Variants in FANCB observed in about 807,000 individuals in gnomAD.
FANCB encodes the protein Fanconi anemia group B protein.
FANCB carries 5 observed loss-of-function variants against 38.9 expected under a neutral mutation model. The observed-to-expected ratio is 0.13, with a 90% CI of 0.07 to 0.27. The LOEUF (loss-of-function observed/expected upper bound fraction) is 0.27. FANCB is among the 10% of genes least tolerant of loss of function. FANCB has a pLI of 1.00. For missense variants in FANCB, 573 were observed against 602.7 expected, an observed-to-expected ratio of 0.95 and a Z score of 0.52; for synonymous variants, 236 against 215.4, an observed-to-expected ratio of 1.10 and a Z score of -0.84.
the FANCB span, among the ~76,000 whole-genome samples, chrX:14,712,733 G>T: frequency 9.0e-6 from 1 of 110,750 alleles, no homozygotes; most frequent in Non-Finnish European, 1.9e-5. Context: ...GACTTAACAT[G>T]AAGTTCTGAG....
At chrX:14,787,876 AATATATATATATATATATATATATATAT>A in the FANCB span, among the ~76,000 whole-genome samples, 328 of 41,683 alleles carry the variant, frequency 7.9e-3, 5 homozygotes, top group East Asian at 0.088. Flanking sequence ...TTAAAAATAG[AATATATATATATATATATATATATATAT>A]ATATATATAT....
At chrX:14,832,867 C>G (rs936878818), downstream of FANCB, among the ~76,000 whole-genome samples, 51 of 112,097 alleles carry the variant, frequency 4.5e-4, 1 homozygote, top group Non-Finnish European at 1.9e-5. Flanking sequence ...AGCTTGAATG[C>G]TTTCCACTGG....
chrX:14,737,850 T>C, the FANCB span, among the ~76,000 whole-genome samples: 41 of 112,039 alleles, frequency 3.7e-4, no homozygotes, highest in African/African-American at 1.2e-3. Flanking sequence ...GAAGTGTTTA[T>C]TCTCAATTCT....
At chrX:14,797,955 T>A in the FANCB span, among the ~76,000 whole-genome samples, 1 of 110,786 alleles carries the variant, frequency 9.0e-6, no homozygotes, top group Non-Finnish European at 1.9e-5. Context: ...TCCACTCTTG[T>A]GTCTCTTATA....
At chrX:14,837,455 A>C (rs1358983647) in intron 10 of FANCB, among the ~76,000 whole-genome samples, 1 of 112,364 alleles carries the variant, frequency 8.9e-6, no homozygotes, top group Non-Finnish European at 1.9e-5. Flanking sequence ...GGTTCTAACA[A>C]AGAAAACTGA....
chrX:14,827,609 A>T, the FANCB span, among the ~76,000 whole-genome samples: 1 of 112,158 alleles, frequency 8.9e-6, no homozygotes, highest in African/African-American at 3.2e-5. Context: ...CAGAATTACT[A>T]TCTGAGGGTA....
chrX:14,767,683 G>A, the FANCB span, among the ~76,000 whole-genome samples: 2 of 111,804 alleles, frequency 1.8e-5, no homozygotes, highest in African/African-American at 6.5e-5. Context: ...AAGCTCTTTA[G>A]TTTAATTAGA....
At chrX:14,859,472 CTAAAA>C (rs2092437403) in intron 3 of FANCB, 138 bp from the exon 4 acceptor site, 3 of 441,500 alleles carry the variant, frequency 6.8e-6, no homozygotes, top group Admixed American at 4.4e-5. Flanking sequence ...ATAGTAAAAA[CTAAAA>C]TAAAATAAAG....
the FANCB span, among the ~76,000 whole-genome samples, chrX:14,829,086 A>G: frequency 1.9e-4 from 21 of 110,623 alleles, no homozygotes; most frequent in East Asian, 5.9e-3. Flanking sequence ...TTCTTTCCAG[A>G]TAATTTTCAA....
At chrX:14,758,964 T>TA in the FANCB span, among the ~76,000 whole-genome samples, 20 of 105,891 alleles carry the variant, frequency 1.9e-4, no homozygotes, top group Admixed American at 4.0e-4. Flanking sequence ...CCATCTTAAA[T>TA]AAAAAAAAAA....
chrX:14,762,871 G>A, the FANCB span, among the ~76,000 whole-genome samples: 1 of 112,302 alleles, frequency 8.9e-6, no homozygotes, highest in African/African-American at 3.2e-5. Context: ...ATGTAACCAG[G>A]TAGATATATT....
intron 7 of FANCB, among the ~76,000 whole-genome samples, chrX:14,845,991 G>A (rs2092375314): frequency 9.0e-6 from 1 of 111,607 alleles, no homozygotes; most frequent in South Asian, 3.7e-4. Context: ...TTTAATACAG[G>A]AATTTGACCA....
In FANCB at chrX:14,865,064, T is replaced by C; in HGVS notation, c.447A>G (p.Ala149=). Reference sequence around the variant, plus strand: ...CAGTTTGAGAAGAGATAAAGAAGAATGCTTTGACATGCCTCCATAAAATTA... The same window carrying C: ...CAGTTTGAGAAGAGATAAAGAAGAACGCTTTGACATGCCTCCATAAAATTA... ...GPLILWRHVK[A]FFFISSQTGK... The change falls in exon 3 of 10, where the codon GCA becomes GCG. Residue 149 remains alanine (A), a synonymous_variant. Coordinates refer to ENST00000650831, the MANE Select transcript of FANCB (RefSeq NM_001018113.3). 8.3e-7 allele frequency: 1 copy of C among 1,210,118 alleles called. No homozygotes were observed. The highest frequency in any genetic ancestry group is 1.1e-6 in the Non-Finnish European group (1 of 894,650).
the FANCB span, among the ~76,000 whole-genome samples, chrX:14,793,551 CG>C: frequency 1.3e-4 from 14 of 111,737 alleles, no homozygotes; most frequent in African/African-American, 3.6e-4. Flanking sequence ...AAAGCTGTTA[CG>C]AAAAAAAGAT....
the FANCB span, among the ~76,000 whole-genome samples, chrX:14,807,966 G>A: frequency 9.0e-6 from 1 of 111,356 alleles, no homozygotes; most frequent in Non-Finnish European, 1.9e-5. Context: ...AAGAAAATCT[G>A]GAAAAAATGA....
Position 14,859,202 on chromosome X carries a change from G to C in FANCB, c.1084C>G (p.Leu362Val). 8.4e-7 allele frequency: 1 copy of C among 1,185,341 alleles called. No homozygotes were observed. The highest frequency in any genetic ancestry group is 1.8e-5 in the South Asian group (1 of 55,595). ...CTTACCGAATAGTTTATTTTTCCAA[G>C]ATCCGTTATTTTAAATGAAGTCAGG... ...DCLTSFKITDLGKINYSSEPS... is the reference protein window; with the variant it reads ...DCLTSFKITDVGKINYSSEPS... Residue 362 changes from leucine (L) to valine (V), a missense_variant, in exon 4 of 10, where the codon CTT (leucine) becomes GTT (valine). Leu to Val is a conservative substitution (Grantham distance 32). Transcript: ENST00000650831.
the FANCB span, among the ~76,000 whole-genome samples, chrX:14,726,359 T>C: frequency 7.1e-5 from 8 of 112,317 alleles, no homozygotes; most frequent in Middle Eastern, 4.6e-3. Flanking sequence ...TTAAAAGGCA[T>C]TGAATGCATC....
At chrX:14,815,697 T>C in the FANCB span, among the ~76,000 whole-genome samples, 1 of 112,165 alleles carries the variant, frequency 8.9e-6, no homozygotes, top group Non-Finnish European at 1.9e-5. Context: ...AATCATTTTA[T>C]CAAAAAGATA....
At chrX:14,742,183 T>C in the FANCB span, among the ~76,000 whole-genome samples, 1 of 111,856 alleles carries the variant, frequency 8.9e-6, no homozygotes, top group African/African-American at 3.3e-5. Flanking sequence ...CCATATTACT[T>C]AGCATGTTAA....
Sources: allele counts gnomAD v4.1 joint callset (sites outside exome capture counted in the v4.1 genomes callset), GRCh38; gene constraint gnomAD v4.1.1; transcripts MANE v1.5; gene names NCBI Gene and HGNC (gene_info 2026-07-23, HGNC 2026-07-21).